EFCAB5: variants seen among roughly 807,000 people sequenced by gnomAD.
The protein encoded by EFCAB5 is EF-hand calcium binding domain 5, also known as EF-hand calcium-binding domain-containing protein 5.
Under a neutral mutation model 167.9 loss-of-function variants are expected in EFCAB5, and 131 were observed. That is an observed-to-expected ratio of 0.78 (90% CI 0.68 to 0.90). The LOEUF is 0.90. Among genes scored for constraint, EFCAB5 ranks in the 40% least tolerant of loss-of-function variants. EFCAB5 has a pLI of 0.00. For missense variants in EFCAB5, 1,663 were observed against 1,745.2 expected (o/e 0.95, Z 0.84); for synonymous variants, 574 against 602.8 (o/e 0.95, Z 0.70).
intron 7 of EFCAB5, 104 bp downstream of exon 7, chr17:30,000,080 A>G: frequency 1.3e-6 from 1 of 768,722 alleles, no homozygotes; most frequent in Non-Finnish European, 2.0e-6. Context: ...ATGAAAGCAC[A>G]AAACTTATTT....
intron 18 of EFCAB5, among the ~76,000 whole-genome samples, chr17:30,084,690 C>T (rs1172980145): frequency 6.6e-6 from 1 of 152,090 alleles, no homozygotes; most frequent in Non-Finnish European, 1.5e-5. Flanking sequence ...CTTCTGCAGC[C>T]CCTCCAGATT....
upstream of EFCAB5, among the ~76,000 whole-genome samples, chr17:29,936,981 T>A (rs1049848671): frequency 6.6e-6 from 1 of 152,168 alleles, no homozygotes; most frequent in Non-Finnish European, 1.5e-5. Context: ...AATAAGCATT[T>A]TTCTGGGACA....
At chr17:30,075,810 C>T (rs1471422846) in intron 14 of EFCAB5, among the ~76,000 whole-genome samples, 1 of 152,216 alleles carries the variant, frequency 6.6e-6, no homozygotes, top group Non-Finnish European at 1.5e-5. Flanking sequence ...TTGGCTTCAC[C>T]TGTCCAGAAA....
chr17:30,013,985 A>C (rs1049957533), intron 7 of EFCAB5, among the ~76,000 whole-genome samples: 3 of 152,160 alleles, frequency 2.0e-5, no homozygotes, highest in African/African-American at 7.2e-5. Context: ...TGTGTCCCAG[A>C]GATTCTGGCA....
At chr17:30,067,076 A>C (rs1400612944) in intron 14 of EFCAB5, among the ~76,000 whole-genome samples, 1 of 152,212 alleles carries the variant, frequency 6.6e-6, no homozygotes, top group Non-Finnish European at 1.5e-5. Flanking sequence ...CTTTCTACCA[A>C]ATATTTAAAG....
At chr17:30,107,747 A>G in intron 22 of EFCAB5, 87 bp from the exon 23 acceptor site, 3 of 1,164,140 alleles carry the variant, frequency 2.6e-6, no homozygotes, top group Non-Finnish European at 3.4e-6. Context: ...TATCTAATGA[A>G]CTTTAATCAT....
chr17:30,049,513 A>C (rs2070025911), intron 8 of EFCAB5, among the ~76,000 whole-genome samples: 1 of 152,118 alleles, frequency 6.6e-6, no homozygotes, highest in South Asian at 2.1e-4. Flanking sequence ...AAACAAAAAA[A>C]AAACAAAAGA....
intron 3 of EFCAB5, among the ~76,000 whole-genome samples, chr17:29,965,295 T>G (rs2067806155): frequency 6.6e-6 from 1 of 152,158 alleles, no homozygotes; most frequent in South Asian, 2.1e-4. Flanking sequence ...CCATTAGTCA[T>G]GTAAGAATGA....
At chr17:29,996,739 C>T (rs934813357) in intron 6 of EFCAB5, among the ~76,000 whole-genome samples, 7 of 152,268 alleles carry the variant, frequency 4.6e-5, no homozygotes, top group African/African-American at 4.8e-5. Context: ...TGGTGGCTCA[C>T]GCTAATATTT....
chr17:29,969,954 G>A (rs1246927759), intron 4 of EFCAB5, among the ~76,000 whole-genome samples: 1 of 151,976 alleles, frequency 6.6e-6, no homozygotes, highest in Non-Finnish European at 1.5e-5. Flanking sequence ...TCATGTAGAA[G>A]ATTTTTTATT....
Position 29,968,808 on chromosome 17 carries a change from C to T in EFCAB5, c.208C>T (p.Gln70Ter). 14 of 1,496,024 alleles carry T rather than the reference C, an allele frequency of 9.4e-6. No homozygotes were observed. Among genetic ancestry groups the T allele is most frequent in the Non-Finnish European group, 1.2e-5 (14 of 1,122,388 alleles). 92.7% of individuals were successfully genotyped at this position (1,496,024 alleles called of 1,614,324 possible). Residue 70 changes from glutamine (Q) to a stop codon, truncating the protein, a stop_gained, in exon 4 of 23, where the codon CAG becomes TAG. Transcript: ENST00000394835. LOFTEE classifies it high-confidence loss of function. ...IKSQELNLEGQRKISPGSIKD... is the reference protein window; with the variant it reads ...IKSQELNLEG ...CCCCTCAGAATTAAACCTGGAGGGGCAGCGAAAAATTTCACCTGGTTCAAT... is the reference window on the plus strand; with the variant it reads ...CCCCTCAGAATTAAACCTGGAGGGGTAGCGAAAAATTTCACCTGGTTCAAT...
chr17:29,934,090 T>A (rs2067225218), intron 1 of EFCAB5, among the ~76,000 whole-genome samples: 1 of 152,210 alleles, frequency 6.6e-6, no homozygotes, highest in African/African-American at 2.4e-5. Context: ...ATGAAAAACC[T>A]GAGATTGCTT....
rs2070086229 is a variant in EFCAB5 at position 30,051,208 on chromosome 17, C to T, written c.1291C>T (p.Pro431Ser). The T allele has an allele frequency of 6.2e-7, 1 of 1,613,810 alleles. No individual in the cohort carries two copies. Among genetic ancestry groups the T allele is most frequent in the South Asian group, 1.1e-5 (1 of 91,080 alleles). ...AATGCTTAGGAGTTTACTTCGAAAC[C>T]CACGACAATGTAAGTGCCGCTCAGA... ...SQMLRSLLRN[P>S]RQWPFIEFEE... Residue 431 changes from proline to serine, a missense_variant, in exon 9 of 23, where the codon CCA (proline) becomes TCA (serine). Transcript: ENST00000394835.
intron 14 of EFCAB5, among the ~76,000 whole-genome samples, chr17:30,076,187 C>T (rs2070864917): frequency 6.6e-6 from 1 of 152,204 alleles, no homozygotes; most frequent in Non-Finnish European, 1.5e-5. Context: ...TTTGTGGTAA[C>T]CAGGTCCAGT....
chr17:30,041,941 C>T (rs2069785179), intron 8 of EFCAB5, among the ~76,000 whole-genome samples: 1 of 151,944 alleles, frequency 6.6e-6, no homozygotes, highest in African/African-American at 2.4e-5. Flanking sequence ...GGCAATTAAT[C>T]TATGGTACAC....
At chr17:29,987,234 A>G (rs1005756530) in intron 4 of EFCAB5, among the ~76,000 whole-genome samples, 12 of 152,076 alleles carry the variant, frequency 7.9e-5, no homozygotes, top group African/African-American at 2.9e-4. Flanking sequence ...GCTGTGTTCG[A>G]CAGGTGTTGC....
At chr17:30,027,366 G>A (rs2069358238) in intron 7 of EFCAB5, among the ~76,000 whole-genome samples, 1 of 145,510 alleles carries the variant, frequency 6.9e-6, no homozygotes, top group African/African-American at 2.6e-5. Context: ...TAGCATATTT[G>A]GGGGTGGCAT....
At chr17:30,073,741 A>G (rs2070804445) in intron 14 of EFCAB5, 1 of 702,268 alleles carries the variant, frequency 1.4e-6, no homozygotes, top group Non-Finnish European at 2.7e-6. Context: ...TGACAAATAC[A>G]TGCCCTATGC....
At chr17:30,033,236 G>A (rs1278093671) in intron 7 of EFCAB5, among the ~76,000 whole-genome samples, 1 of 152,032 alleles carries the variant, frequency 6.6e-6, no homozygotes, top group Admixed American at 6.6e-5. Flanking sequence ...CCGCCACCAC[G>A]CCCGGCTAAT....
Sources: allele counts gnomAD v4.1 joint callset (sites outside exome capture counted in the v4.1 genomes callset), GRCh38; gene constraint gnomAD v4.1.1; transcripts MANE v1.5; gene names NCBI Gene and HGNC (gene_info 2026-07-23, HGNC 2026-07-21).